The following RGCC variants were observed in gnomAD, a reference collection of about 807,000 sequenced individuals.
RGCC encodes the protein regulator of cell cycle.
RGCC carries 15 observed loss-of-function variants against 15.4 expected under a neutral mutation model. The observed-to-expected ratio is 0.97, with a 90% CI of 0.65 to 1.50. The LOEUF (loss-of-function observed/expected upper bound fraction) is 1.50. RGCC is among the 40% of genes most tolerant of loss of function. The probability of loss-of-function intolerance (pLI) is 0.00; values close to 1 mark genes in which losing one functional copy is unlikely to be tolerated. For synonymous variants in RGCC, 81 were observed against 78.0 expected, an observed-to-expected ratio of 1.04 and a Z score of -0.20; for missense variants, 176 against 189.7, an observed-to-expected ratio of 0.93 and a Z score of 0.42.
intron 3 of RGCC, 131 bp downstream of exon 3, chr13:41,467,061 T>G: frequency 1.5e-6 from 1 of 648,882 alleles, no homozygotes; most frequent in Non-Finnish European, 2.8e-6. Flanking sequence ...GACTAATGTC[T>G]TAATACTGTA....
chr13:41,461,647 C>T (rs538457604), intron 2 of RGCC, among the ~76,000 whole-genome samples: 29 of 152,110 alleles, frequency 1.9e-4, no homozygotes, highest in Non-Finnish European at 3.8e-4. Context: ...ACTGTGTATG[C>T]TAGGGTTATT....
At chr13:41,465,152 C>A (rs3783196) in intron 2 of RGCC, among the ~76,000 whole-genome samples, 62,887 of 152,084 alleles carry the variant, frequency 0.41, 15,073 homozygotes, top group South Asian at 0.65. Flanking sequence ...TTTGCCTCCC[C>A]CTAAGCTGGA....
At chr13:41,462,096 G>A (rs1392760205) in intron 2 of RGCC, among the ~76,000 whole-genome samples, 2 of 152,172 alleles carry the variant, frequency 1.3e-5, no homozygotes, top group African/African-American at 4.8e-5. Context: ...CACACCCCCA[G>A]CCATTCCCTG....
intron 2 of RGCC, among the ~76,000 whole-genome samples, chr13:41,462,011 A>C (rs9315844): frequency 0.83 from 127,060 of 152,196 alleles, 53,903 homozygotes; most frequent in South Asian, 0.98. Context: ...GAAGTTGAGG[A>C]AAGATGCTCT....
At chr13:41,470,326 T>G (rs2043869776) in intron 4 of RGCC, 152 bp from the exon 5 acceptor site, 2 of 750,906 alleles carry the variant, frequency 2.7e-6, no homozygotes, top group Non-Finnish European at 4.7e-6. Context: ...TGCAGTGGGT[T>G]GCCCAGTCAT....
At chr13:41,468,422 T>G (rs2043858630) in intron 3 of RGCC, among the ~76,000 whole-genome samples, 1 of 152,228 alleles carries the variant, frequency 6.6e-6, no homozygotes, top group Non-Finnish European at 1.5e-5. Flanking sequence ...CTCACTCTCC[T>G]GCAAACATTT....
chr13:41,461,621 A>G (rs1007483542), intron 2 of RGCC, among the ~76,000 whole-genome samples: 1 of 152,234 alleles, frequency 6.6e-6, no homozygotes, highest in Admixed American at 6.5e-5. Flanking sequence ...TGCTCAACAG[A>G]AAAGGTCTGA....
At position 41,470,752 on chromosome 13, in the gene RGCC, C is replaced by T; in HGVS notation, c.*267C>T. ...TATTGTATTTTCTCTTAAAACATAG[C>T]TTTCCTGTAATTTAAAGTGCTTTTA... On this transcript the variant is annotated 3_prime_UTR_variant, in exon 5 of 5. Coordinates refer to ENST00000379359, the MANE Select transcript of RGCC (RefSeq NM_014059.3). 1 of 359,974 alleles carries T rather than the reference C, an allele frequency of 2.8e-6. No individual in the cohort carries two copies. The highest frequency in any genetic ancestry group is 5.0e-6 in the Non-Finnish European group (1 of 201,822). 22.3% of individuals were successfully genotyped at this position (359,974 alleles called of 1,614,324 possible).
chr13:41,464,974 A>T (rs566354631), intron 2 of RGCC, among the ~76,000 whole-genome samples: 1 of 152,196 alleles, frequency 6.6e-6, no homozygotes, highest in South Asian at 2.1e-4. Context: ...GGGGAAAGGG[A>T]GCCAGGTGAG....
intron 2 of RGCC, chr13:41,464,011 T>C (rs1362992548): frequency 6.5e-6 from 1 of 152,734 alleles, no homozygotes; most frequent in African/African-American, 2.4e-5. Flanking sequence ...AGAGCTGAAG[T>C]TCAAAGTCAG....
chr13:41,458,261 C>T lies in RGCC; in HGVS notation c.50-24C>T, dbSNP rs757093149. 1 of 1,546,680 alleles carries T rather than the reference C, an allele frequency of 6.5e-7. No individual in the cohort carries two copies. Among genetic ancestry groups the T allele is most frequent in the Non-Finnish European group, 8.7e-7 (1 of 1,152,230 alleles). On this transcript the variant is annotated intron_variant, in intron 1 of 4. Transcript: ENST00000379359. This position sits in a 1 kb window ranked among gnomAD's most constrained non-coding sequence, Gnocchi z 4.4. ...CCGCTGCCCCCCTGACTTCCGTGCA[C>T]TGAGCCCCTGGCCCTGCCCGCAGCC...
chr13:41,458,260 A>C lies in RGCC; in HGVS notation c.50-25A>C. Reference sequence around the variant, plus strand: ...CCCGCTGCCCCCCTGACTTCCGTGCACTGAGCCCCTGGCCCTGCCCGCAGC... The same window carrying C: ...CCCGCTGCCCCCCTGACTTCCGTGCCCTGAGCCCCTGGCCCTGCCCGCAGC... On this transcript the variant is annotated intron_variant, in intron 1 of 4. Coordinates refer to ENST00000379359, the MANE Select transcript of RGCC (RefSeq NM_014059.3). The surrounding 1 kb of genome is among the most constrained non-coding windows in gnomAD (Gnocchi z 4.4). 4 of 1,545,420 alleles carry C rather than the reference A, an allele frequency of 2.6e-6. No individual in the cohort carries two copies. The highest frequency in any genetic ancestry group is 3.5e-6 in the Non-Finnish European group (4 of 1,151,380).
In RGCC at chr13:41,458,037, C is replaced by G. The variant is rs147555274; in HGVS notation, c.50-248C>G. 4.1e-3 allele frequency among the ~76,000 whole-genome samples: 627 copies of G among 152,300 alleles called. 2 individuals carry two copies. Among genetic ancestry groups the G allele is most frequent in the African/African-American group, 0.014 (586 of 41,576 alleles). On this transcript the variant is annotated intron_variant, in intron 1 of 4. Transcript: ENST00000379359. The surrounding 1 kb of genome is among the most constrained non-coding windows in gnomAD (Gnocchi z 4.4). ...CGCCTGGGGAGGAATCTGGCCGCGCCAAGTCGCTGGGTGACCCTGGGCCTG... is the reference window on the plus strand; with the variant it reads ...CGCCTGGGGAGGAATCTGGCCGCGCGAAGTCGCTGGGTGACCCTGGGCCTG...
intron 2 of RGCC, among the ~76,000 whole-genome samples, chr13:41,464,686 A>G (rs1171089846): frequency 2.0e-5 from 3 of 152,166 alleles, no homozygotes; most frequent in African/African-American, 7.2e-5. Flanking sequence ...TCTCAGGTGT[A>G]CCTGATCACA....
chr13:41,457,637 C>T lies in RGCC; in HGVS notation c.-71C>T, dbSNP rs1452295814. On this transcript the variant is annotated 5_prime_UTR_variant, in exon 1 of 5. Transcript: ENST00000379359. The surrounding 1 kb of genome is among the most constrained non-coding windows in gnomAD (Gnocchi z 4.9). ...GGGCTGAAGTGTGCGGGACAGCAAG[C>T]CCCCGAATAGCCCCGGCTGCCACCT... 25 of 1,499,104 alleles carry T rather than the reference C, an allele frequency of 1.7e-5. 1 individual carries two copies. The highest frequency in any genetic ancestry group is 8.8e-5 in the South Asian group (7 of 79,826). The allele number at this position is 1,499,104 out of a possible 1,614,324, so 92.9% of individuals were successfully genotyped here.
At chr13:41,463,735 A>G (rs1277971258) in intron 2 of RGCC, among the ~76,000 whole-genome samples, 1 of 152,162 alleles carries the variant, frequency 6.6e-6, no homozygotes, top group Non-Finnish European at 1.5e-5. Flanking sequence ...CAGTCCTGGC[A>G]ATATTCTGGA....
Position 41,466,942 on chromosome 13 carries a change from A to C in RGCC, c.343+12A>C, listed in dbSNP as rs747766943. ...CACTCCTCAGAAAGGTAAGGTCATT[A>C]GTTGGAATTTGAGTTTTTTGCTTTT... On this transcript the variant is annotated intron_variant, in intron 3 of 4. Transcript: ENST00000379359. 1.1e-5 allele frequency: 18 copies of C among 1,593,592 alleles called. No homozygotes were observed. In the South Asian group the frequency reaches 2.0e-4, roughly 18 times the overall value.
chr13:41,465,056 G>T (rs899759134), intron 2 of RGCC, among the ~76,000 whole-genome samples: 13 of 152,166 alleles, frequency 8.5e-5, no homozygotes, highest in African/African-American at 1.2e-4. Context: ...CTCTTCTTCC[G>T]AAAACTCTGA....
chr13:41,468,377 A>G (rs1412234482), intron 3 of RGCC, among the ~76,000 whole-genome samples: 1 of 152,228 alleles, frequency 6.6e-6, no homozygotes, highest in Admixed American at 6.5e-5. Context: ...TACACAATAC[A>G]AAAACCAGAC....
Sources: allele counts gnomAD v4.1 joint callset (sites outside exome capture counted in the v4.1 genomes callset), GRCh38; gene constraint gnomAD v4.1.1; non-coding constraint Gnocchi (gnomAD v3.1); transcripts MANE v1.5; gene names NCBI Gene and HGNC (gene_info 2026-07-23, HGNC 2026-07-21).